FEZF2: variants seen among roughly 807,000 people sequenced by gnomAD.
FEZF2 encodes FEZ family zinc finger 2, also known as fez family zinc finger protein 2.
A neutral mutation model predicts 32.8 loss-of-function variants in FEZF2; 2 were observed. The ratio of observed to expected loss-of-function variants is 0.06; its 90% CI spans 0.02 to 0.19. FEZF2 has a LOEUF of 0.19. Ranked by LOEUF, FEZF2 falls within the 10% of genes least tolerant of loss-of-function variation. The pLI is 1.00. For synonymous variants in FEZF2, 322 were observed against 284.8 expected, an observed-to-expected ratio of 1.13 and a Z score of -1.32; for missense variants, 516 against 625.4, an observed-to-expected ratio of 0.83 and a Z score of 1.87.
In FEZF2 at chr3:62,372,733, A is replaced by C; in HGVS notation, c.136T>G (p.Phe46Val). The change falls in exon 2 of 5, where the codon TTT becomes GTT. Residue 46 changes from phenylalanine to valine, a missense_variant. This residue lies in a region of FEZF2 where 408 missense variants were observed against 382.2 expected (regional missense o/e 1.07). Transcript: ENST00000283268. This position sits in a 1 kb window ranked among gnomAD's most constrained non-coding sequence, Gnocchi z 9.6. ...TCTAGCGCTCCAGGCCGGGGCTCAA[A>C]GGGCGCACGGGGCTCCGACGTCTTG... The part of the protein sequence containing the change: ...MAKTSEPRAP[F>V]EPRPGALEAD... The C allele has an allele frequency of 4.4e-6, 7 of 1,608,970 alleles. No homozygotes were observed. In the South Asian group the frequency reaches 7.8e-5, roughly 18 times the overall value.
rs781538729 is a variant in FEZF2, at chr3:62,372,711, A to C, written c.158T>G (p.Leu53Arg). The C allele has an allele frequency of 6.2e-7, 1 of 1,609,178 alleles. No individual in the cohort carries two copies. Among genetic ancestry groups the C allele is most frequent in the Non-Finnish European group, 8.5e-7 (1 of 1,177,794 alleles). Residue 53 changes from leucine (L) to arginine (R), a missense_variant, in exon 2 of 5, where the codon CTA (leucine) becomes CGA (arginine). By Grantham distance (102) the Leu-to-Arg change is moderately radical (BLOSUM62 -2). Coordinates refer to ENST00000283268, the MANE Select transcript of FEZF2 (RefSeq NM_018008.4). This position sits in a 1 kb window ranked among gnomAD's most constrained non-coding sequence, Gnocchi z 9.6. ...CTTGCCCTGGCTGCCGTCCGCCTCTAGCGCTCCAGGCCGGGGCTCAAAGGG... is the reference window on the plus strand; with the variant it reads ...CTTGCCCTGGCTGCCGTCCGCCTCTCGCGCTCCAGGCCGGGGCTCAAAGGG... ...RAPFEPRPGA[L>R]EADGSQGKKL...
chr3:62,371,136 C>A, intron 4 of FEZF2, 81 bp downstream of exon 4: 4 of 1,603,330 alleles, frequency 2.5e-6, no homozygotes, highest in Non-Finnish European at 3.4e-6. Flanking sequence ...CTCTCCAGAT[C>A]CCTCTTTGCC....
At position 62,372,886 on chromosome 3, in the gene FEZF2, C is replaced by T. The variant is rs1162534371; in HGVS notation, c.-18G>A. The T allele has an allele frequency of 1.2e-5, 17 of 1,383,172 alleles. No individual in the cohort carries two copies. Among genetic ancestry groups the T allele is most frequent in the Non-Finnish European group, 1.6e-5 (17 of 1,060,842 alleles). The allele number at this position is 1,383,172 out of a possible 1,614,324, so 85.7% of individuals were successfully genotyped here. ...CTTGCCATGGCGCGCGGAGCTGAGC[C>T]GAGCCAGGCTGGGCCAGGGCGCAGC... On this transcript the variant is annotated 5_prime_UTR_variant, in exon 2 of 5. Transcript: ENST00000283268. The surrounding 1 kb of genome is among the most constrained non-coding windows in gnomAD (Gnocchi z 9.6).
rs1704253153 is a variant in FEZF2, at chr3:62,370,480, G to A, written c.1121-138C>T. The A allele has an allele frequency of 1.2e-6, 1 of 847,882 alleles. No homozygotes were observed. The highest frequency in any genetic ancestry group is 1.9e-6 in the Non-Finnish European group (1 of 539,556). 52.5% of individuals were successfully genotyped at this position (847,882 alleles called of 1,614,324 possible). On this transcript the variant is annotated intron_variant, in intron 4 of 4. Coordinates refer to ENST00000283268, the MANE Select transcript of FEZF2 (RefSeq NM_018008.4). This position sits in a 1 kb window ranked among gnomAD's most constrained non-coding sequence, Gnocchi z 4.2. ...CTAGGCGGGCGCGACCTCTTCGAGT[G>A]AAGAAGTTGTCAAACTTCGTAAGCG...
chr3:62,372,984 C>T lies in FEZF2; in HGVS notation c.-58-58G>A. The stretch of plus-strand genomic sequence containing the variant: ...CAATTTAATAAGCACCTAGTCGGGC[C>T]CGGGTCACCCATTTGCATTCAAATG... On this transcript the variant is annotated intron_variant, in intron 1 of 4. Transcript: ENST00000283268. This position sits in a 1 kb window ranked among gnomAD's most constrained non-coding sequence, Gnocchi z 9.6. The T allele has an allele frequency of 9.7e-7, 1 of 1,033,686 alleles. No individual in the cohort carries two copies. The highest frequency in any genetic ancestry group is 1.3e-6 in the Non-Finnish European group (1 of 780,922). The allele number at this position is 1,033,686 out of a possible 1,614,324, so 64.0% of individuals were successfully genotyped here. A position where few individuals can be genotyped will look rare whatever the true frequency, so the allele number is the denominator to read the frequency against.
chr3:62,372,708 T>C lies in FEZF2; in HGVS notation c.161A>G (p.Glu54Gly). Residue 54 changes from glutamate (E) to glycine (G), a missense_variant, in exon 2 of 5, where the codon GAG becomes GGG. Physicochemically the swap from Glu to Gly is moderately conservative, Grantham distance 98. Coordinates refer to ENST00000283268, the MANE Select transcript of FEZF2 (RefSeq NM_018008.4). This position sits in a 1 kb window ranked among gnomAD's most constrained non-coding sequence, Gnocchi z 9.6. ...APFEPRPGAL[E>G]ADGSQGKKLL... ...TTTCTTGCCCTGGCTGCCGTCCGCC[T>C]CTAGCGCTCCAGGCCGGGGCTCAAA... 1 of 1,609,456 alleles carries C rather than the reference T, an allele frequency of 6.2e-7. No homozygotes were observed. The highest frequency in any genetic ancestry group is 1.1e-5 in the South Asian group (1 of 90,280).
rs765331339 is a variant in FEZF2 at position 62,372,335 on chromosome 3, G to C, written c.534C>G (p.Thr178=). 9.3e-6 allele frequency: 15 copies of C among 1,610,332 alleles called. No individual in the cohort carries two copies. Among genetic ancestry groups the C allele is most frequent in the Admixed American group, 1.7e-5 (1 of 59,898 alleles). The change falls in exon 2 of 5, where the codon ACC becomes ACG. Residue 178 remains threonine (T), a synonymous_variant. Coordinates refer to ENST00000283268, the MANE Select transcript of FEZF2 (RefSeq NM_018008.4). This position sits in a 1 kb window ranked among gnomAD's most constrained non-coding sequence, Gnocchi z 9.6. ...SLYYFNYLDS[T]AYPPSELLSG... ...TGAGGAGCTCAGACGGCGGGTACGC[G>C]GTCGAGTCCAGGTAGTTGAAGTAGT...
chr3:62,370,648 C>G lies in FEZF2; in HGVS notation c.1121-306G>C, dbSNP rs1704256668. On this transcript the variant is annotated intron_variant, in intron 4 of 4. Transcript: ENST00000283268. The surrounding 1 kb of genome is among the most constrained non-coding windows in gnomAD (Gnocchi z 4.2). The stretch of plus-strand genomic sequence containing the variant: ...GGGAAACTTTTGCGTAGCCCAGAGA[C>G]GCACCGAGTCCTTCTCCTGGCTGAT... Among the ~76,000 whole-genome samples the G allele has an allele frequency of 6.6e-6, 1 of 152,218 alleles. No individual in the cohort carries two copies. The highest frequency in any genetic ancestry group is 2.1e-4 in the South Asian group (1 of 4,828).
chr3:62,371,759 A>T, intron 2 of FEZF2, 92 bp from the exon 3 acceptor site: 1 of 1,511,546 alleles, frequency 6.6e-7, no homozygotes, highest in Non-Finnish European at 8.9e-7. Flanking sequence ...CCCAACCAAC[A>T]CCCCCTTCAG....
Position 62,372,901 on chromosome 3 carries a change from CA to C in FEZF2, c.-34del. On this transcript the variant is annotated 5_prime_UTR_variant, in exon 2 of 5. Coordinates refer to ENST00000283268, the MANE Select transcript of FEZF2 (RefSeq NM_018008.4). The surrounding 1 kb of genome is among the most constrained non-coding windows in gnomAD (Gnocchi z 9.6). ...GGAGCTGAGCCGAGCCAGGCTGGGC[CA>C]GGGCGCAGCCTCTCTCCTCTAAGTC... 7.3e-7 allele frequency: 1 copy of C among 1,367,696 alleles called. No homozygotes were observed. The highest frequency in any genetic ancestry group is 2.9e-5 in the East Asian group (1 of 34,238). 84.7% of individuals were successfully genotyped at this position (1,367,696 alleles called of 1,614,324 possible).
At position 62,372,248 on chromosome 3, in the gene FEZF2, G is replaced by A; in HGVS notation, c.621C>T (p.His207=). ...NAQAPAALAA[H]PKLFLLENAK... is the part of the protein sequence containing the mutation. ...CGTTCTCCAGCAGAAAGAGCTTGGG[G>A]TGAGCAGCCAGGGCGGCGGGGGCCT... Residue 207 remains histidine (H), a synonymous_variant, in exon 2 of 5, where the codon CAC becomes CAT. Transcript: ENST00000283268. This position sits in a 1 kb window ranked among gnomAD's most constrained non-coding sequence, Gnocchi z 9.6. The A allele has an allele frequency of 6.3e-7, 1 of 1,581,480 alleles. No homozygotes were observed. The highest frequency in any genetic ancestry group is 8.6e-7 in the Non-Finnish European group (1 of 1,163,556).
rs1704269897 is a variant in FEZF2, at chr3:62,371,551, G to A, written c.969C>T (p.His323=). ...GFRQASTLCR[H]KIIHTQEKPH... ...CACGTACCTGGGTGTGGATAATTTT[G>A]TGCCTGCAGAGCGTGCTGGCCTGGC... Residue 323 remains histidine (H), a synonymous_variant, in exon 3 of 5, where the codon CAC becomes CAT. Coordinates refer to ENST00000283268, the MANE Select transcript of FEZF2 (RefSeq NM_018008.4). The A allele has an allele frequency of 6.2e-7, 1 of 1,613,070 alleles. No homozygotes were observed. The highest frequency in any genetic ancestry group is 8.5e-7 in the Non-Finnish European group (1 of 1,179,522).
In FEZF2 at chr3:62,372,611, C is replaced by T. The variant is rs771229582; in HGVS notation, c.258G>A (p.Lys86=). 6.4e-7 allele frequency: 1 copy of T among 1,559,932 alleles called. No individual in the cohort carries two copies. The change falls in exon 2 of 5, where the codon AAG becomes AAA. Residue 86 remains lysine, a synonymous_variant. Transcript: ENST00000283268. The surrounding 1 kb of genome is among the most constrained non-coding windows in gnomAD (Gnocchi z 9.6). ...LQPLGYEVPS[K]TLLSYSELWK... is the part of the protein sequence containing the mutation. ...AGAGCTCCGAGTAACTGAGCAGTGT[C>T]TTTGACGGCACCTCGTAGCCTAGGG...
Position 62,370,119 on chromosome 3 carries a change from G to T in FEZF2, c.1344C>A (p.Pro448=). 1.9e-6 allele frequency: 3 copies of T among 1,614,202 alleles called. No individual in the cohort carries two copies. Among genetic ancestry groups the T allele is most frequent in the Non-Finnish European group, 2.5e-6 (3 of 1,180,036 alleles). The part of the protein sequence containing the change: ...KLHDSVGPAA[P]SAKDLTRTVQ... ...CTGTCCTAGTCAGGTCCTTTGCGGA[G>T]GGGGCAGCAGGGCCCACGCTGTCGT... The change falls in exon 5 of 5, where the codon CCC becomes CCA. Residue 448 remains proline, a synonymous_variant. Transcript: ENST00000283268. The surrounding 1 kb of genome is among the most constrained non-coding windows in gnomAD (Gnocchi z 4.2).
chr3:62,371,431 C>T, intron 3 of FEZF2, 82 bp from the exon 4 acceptor site: 1 of 1,582,930 alleles, frequency 6.3e-7, no homozygotes, highest in Non-Finnish European at 8.6e-7. Context: ...CCCCACTCAA[C>T]CCTAGAGGGT....
In FEZF2 at chr3:62,371,197, G is replaced by A. The variant is rs1330032220; in HGVS notation, c.1120+20C>T. ...GTCCTGAGGTGAGGTGAGAAGAGAA[G>A]GCCTCGCCTGGCACGTTACCTTTTT... On this transcript the variant is annotated intron_variant, in intron 4 of 4. Coordinates refer to ENST00000283268, the MANE Select transcript of FEZF2 (RefSeq NM_018008.4). 1 of 1,614,210 alleles carries A rather than the reference G, an allele frequency of 6.2e-7. No homozygotes were observed. Among genetic ancestry groups the A allele is most frequent in the Admixed American group, 1.7e-5 (1 of 60,030 alleles).
At position 62,371,296 on chromosome 3, in the gene FEZF2, C is replaced by T; in HGVS notation, c.1041G>A (p.Thr347=). Residue 347 remains threonine, a synonymous_variant, in exon 4 of 5, where the codon ACG becomes ACA. Transcript: ENST00000283268. ...CGTGGATGCGGATATGCGTGTTGAG[C>T]GTGGAGCTGCGGTTGAACGCTTTGC... ...QCGKAFNRSS[T]LNTHIRIHAG... is the part of the protein sequence containing the mutation. The T allele has an allele frequency of 1.2e-6, 2 of 1,614,228 alleles. No homozygotes were observed. Among genetic ancestry groups the T allele is most frequent in the South Asian group, 2.2e-5 (2 of 91,088 alleles).
At position 62,371,198 on chromosome 3, in the gene FEZF2, G is replaced by A; in HGVS notation, c.1120+19C>T. 1.9e-6 allele frequency: 3 copies of A among 1,614,200 alleles called. No homozygotes were observed. The highest frequency in any genetic ancestry group is 2.5e-6 in the Non-Finnish European group (3 of 1,180,014). On this transcript the variant is annotated intron_variant, in intron 4 of 4. Transcript: ENST00000283268. ...TCCTGAGGTGAGGTGAGAAGAGAAG[G>A]CCTCGCCTGGCACGTTACCTTTTTG...
Position 62,372,554 on chromosome 3 carries a change from T to TCCG in FEZF2, c.312_314dup (p.Gly117dup), listed in dbSNP as rs752922690. Reference sequence around the variant, plus strand: ...CGCCGCCGCCACCGCCGCCGCCGCCTCCGCCGCCGCCCGCCCGGAGGCTGC... The same window carrying TCCG: ...CGCCGCCGCCACCGCCGCCGCCGCCTCCGCCGCCGCCGCCCGCCCGGAGGCTGC... On this transcript the variant is annotated inframe_insertion, in exon 2 of 5. Transcript: ENST00000283268. The surrounding 1 kb of genome is among the most constrained non-coding windows in gnomAD (Gnocchi z 9.6). 4.1e-5 allele frequency: 56 copies of TCCG among 1,357,346 alleles called. No homozygotes were observed. The African/African-American group carries it at 7.7e-4, about 19-fold the overall frequency. The allele number at this position is 1,357,346 out of a possible 1,614,324, so 84.1% of individuals were successfully genotyped here.
Sources: gnomAD v4.1 joint callset for allele counts (sites outside exome capture counted in the v4.1 genomes callset) on GRCh38, gnomAD v4.1.1 for gene constraint, gnomAD v4.1.1 regional missense constraint, Gnocchi (gnomAD v3.1) non-coding constraint, MANE v1.5 for transcripts, NCBI Gene and HGNC (gene_info 2026-07-23, HGNC 2026-07-21) for gene names.